Variants in AP3S1 observed in about 807,000 individuals in gnomAD.
The protein encoded by AP3S1 is adaptor related protein complex 3 subunit sigma 1, also known as AP-3 complex subunit sigma-1.
AP3S1 carries 12 observed loss-of-function variants against 21.3 expected under a neutral mutation model. That is an observed-to-expected ratio of 0.56 (90% confidence interval 0.36 to 0.91). The LOEUF (loss-of-function observed/expected upper bound fraction) is 0.91. AP3S1 is among the 40% of genes least tolerant of loss of function. AP3S1 has a pLI of 0.01. For synonymous variants in AP3S1, 48 were observed against 78.4 expected (o/e 0.61, Z 2.05); for missense variants, 116 against 225.0 (o/e 0.52, Z 3.10).
At chr5:115,891,882 G>C (rs1268404604) in intron 3 of AP3S1, among the ~76,000 whole-genome samples, 3 of 152,218 alleles carry the variant, frequency 2.0e-5, no homozygotes, top group African/African-American at 7.2e-5. Flanking sequence ...TCTTGCATCA[G>C]AGTGACCTGG....
At chr5:115,889,385 G>A (rs530377744) in intron 3 of AP3S1, among the ~76,000 whole-genome samples, 4 of 152,260 alleles carry the variant, frequency 2.6e-5, no homozygotes, top group South Asian at 2.1e-4. Context: ...ACCACTCCAC[G>A]TCATACACAG....
chr5:115,858,497 C>G (rs1762947674), intron 1 of AP3S1, among the ~76,000 whole-genome samples: 1 of 152,120 alleles, frequency 6.6e-6, no homozygotes, highest in Non-Finnish European at 1.5e-5. Flanking sequence ...TGCCATTGGT[C>G]TGTTTTCATT....
At chr5:115,852,914 G>A (rs1762541253) in intron 1 of AP3S1, 1 of 403,342 alleles carries the variant, frequency 2.5e-6, no homozygotes, top group Non-Finnish European at 5.0e-6. Flanking sequence ...TGGTTACTAT[G>A]AATAATGGTG....
At chr5:115,852,199 T>C (rs1002883923) in intron 1 of AP3S1, among the ~76,000 whole-genome samples, 2 of 152,132 alleles carry the variant, frequency 1.3e-5, no homozygotes, top group African/African-American at 4.8e-5. Flanking sequence ...TTATTTTTTT[T>C]CCAAAAACCC....
chr5:115,872,169 C>T (rs1748320937), intron 3 of AP3S1, among the ~76,000 whole-genome samples: 1 of 152,090 alleles, frequency 6.6e-6, no homozygotes, highest in African/African-American at 2.4e-5. Context: ...CTGTTCTGCA[C>T]CTGTCGTCCC....
chr5:115,859,641 T>C (rs149310722), intron 1 of AP3S1, among the ~76,000 whole-genome samples: 4 of 152,370 alleles, frequency 2.6e-5, no homozygotes, highest in Admixed American at 1.3e-4. Context: ...CTGTGTTGTA[T>C]GGCTCCACCT....
intron 1 of AP3S1, among the ~76,000 whole-genome samples, chr5:115,850,273 G>A (rs574648494): frequency 6.6e-6 from 1 of 152,208 alleles, no homozygotes; most frequent in Admixed American, 6.5e-5. Context: ...AGTACTAGTT[G>A]ATTCTACCGC....
rs1748101522 is a variant in AP3S1 at position 115,870,187 on chromosome 5, A to G, written c.273+59A>G. The G allele has an allele frequency of 3.8e-6, 4 of 1,052,216 alleles. No individual in the cohort carries two copies. In the Admixed American group the frequency reaches 7.4e-5, roughly 19 times the overall value. 65.2% of individuals were successfully genotyped at this position (1,052,216 alleles called of 1,614,324 possible). ...AACAGTTTGACATTTAAATTTTTAA[A>G]AACTTATATATTCTAAATTTTCTAA... On this transcript the variant is annotated intron_variant, in intron 3 of 5. Transcript: ENST00000316788.
At chr5:115,842,211 T>C (rs543925725) in intron 1 of AP3S1, 105 bp downstream of exon 1, 16,494 of 1,427,992 alleles carry the variant, frequency 0.012, 113 homozygotes, top group Non-Finnish European at 0.014. Flanking sequence ...GCTGCGGCCC[T>C]TGTCCCGTCC....
At chr5:115,892,657 G>A (rs1379889584) in intron 3 of AP3S1, among the ~76,000 whole-genome samples, 1 of 152,164 alleles carries the variant, frequency 6.6e-6, no homozygotes, top group African/African-American at 2.4e-5. Flanking sequence ...TAGAGACTTG[G>A]AAGGGTAGTG....
chr5:115,865,146 C>T (rs561449503), intron 1 of AP3S1, among the ~76,000 whole-genome samples: 3 of 151,960 alleles, frequency 2.0e-5, no homozygotes, highest in South Asian at 2.1e-4. Context: ...CTTAAGACAA[C>T]AAAACAAACA....
At chr5:115,864,320 G>C (rs1402438886) in intron 1 of AP3S1, among the ~76,000 whole-genome samples, 1 of 152,070 alleles carries the variant, frequency 6.6e-6, no homozygotes, top group Non-Finnish European at 1.5e-5. Context: ...AAGTTTTTTT[G>C]ATATTGGACA....
At chr5:115,907,939 A>G (rs896247705) in intron 5 of AP3S1, among the ~76,000 whole-genome samples, 2 of 152,156 alleles carry the variant, frequency 1.3e-5, no homozygotes, top group African/African-American at 4.8e-5. Flanking sequence ...ATTGAGTCCT[A>G]TGGAGGAAAA....
intron 5 of AP3S1, 142 bp downstream of exon 5, chr5:115,903,134 A>G (rs1485719574): frequency 6.6e-6 from 4 of 603,114 alleles, no homozygotes; most frequent in Non-Finnish European, 1.2e-5. Context: ...AAAATGGAAT[A>G]TACACGTAGT....
At chr5:115,866,964 A>G (rs1406064780) in intron 2 of AP3S1, among the ~76,000 whole-genome samples, 1 of 152,108 alleles carries the variant, frequency 6.6e-6, no homozygotes, top group Admixed American at 6.5e-5. Context: ...AAATTTTGGA[A>G]GGGAATTTTA....
chr5:115,869,170 T>C (rs933592595), intron 2 of AP3S1, among the ~76,000 whole-genome samples: 1 of 152,236 alleles, frequency 6.6e-6, no homozygotes, highest in Non-Finnish European at 1.5e-5. Context: ...TCCTAAATTA[T>C]TATTTCTAAA....
At chr5:115,868,312 T>C (rs1402358900) in intron 2 of AP3S1, among the ~76,000 whole-genome samples, 4 of 152,208 alleles carry the variant, frequency 2.6e-5, no homozygotes, top group Admixed American at 6.6e-5. Flanking sequence ...AATCGCTGAT[T>C]CAGAATGGAG....
At chr5:115,899,393 C>T (rs17400930) in intron 4 of AP3S1, among the ~76,000 whole-genome samples, 23,673 of 152,182 alleles carry the variant, frequency 0.16, 2,311 homozygotes, top group Admixed American at 0.21. Context: ...TCAGAAATTA[C>T]GCTCCATGGA....
intron 5 of AP3S1, among the ~76,000 whole-genome samples, chr5:115,910,020 T>C (rs2112594349): frequency 6.6e-6 from 1 of 152,172 alleles, no homozygotes; most frequent in Admixed American, 6.5e-5. Flanking sequence ...TACCAACACT[T>C]TGAGGGGCCA....
Sources: gnomAD v4.1 joint callset for allele counts (sites outside exome capture counted in the v4.1 genomes callset) on GRCh38, gnomAD v4.1.1 for gene constraint, MANE v1.5 for transcripts, NCBI Gene and HGNC (gene_info 2026-07-23, HGNC 2026-07-21) for gene names.